The following EXOC4 variants were observed in gnomAD, a reference collection of about 807,000 sequenced individuals.
EXOC4 encodes exocyst complex component 4, also known as SEC8-like 1.
EXOC4 carries 71 observed loss-of-function variants against 107.2 expected under a neutral mutation model. The ratio of observed to expected loss-of-function variants is 0.66; its 90% CI spans 0.55 to 0.81. The LOEUF (loss-of-function observed/expected upper bound fraction) is 0.81, where lower values mean the gene tolerates loss of function less well. Among genes scored for constraint, EXOC4 ranks in the 30% least tolerant of loss-of-function variants. EXOC4 has a pLI of 0.00. For missense variants in EXOC4, 1,108 were observed against 1,189.6 expected (o/e 0.93, Z 1.01); for synonymous variants, 456 against 441.2 (o/e 1.03, Z -0.42).
intron 11 of EXOC4, among the ~76,000 whole-genome samples, chr7:133,856,249 A>G (rs940096838): frequency 9.9e-5 from 15 of 152,234 alleles, no homozygotes; most frequent in Admixed American, 4.6e-4. Flanking sequence ...TGGGAATTCA[A>G]TCAGTAATGT....
At chr7:133,500,218 T>G (rs1034429735) in intron 9 of EXOC4, among the ~76,000 whole-genome samples, 1 of 152,220 alleles carries the variant, frequency 6.6e-6, no homozygotes, top group Non-Finnish European at 1.5e-5. Flanking sequence ...TATATACACC[T>G]GTGAAAATAA....
the EXOC4 span, among the ~76,000 whole-genome samples, chr7:134,072,452 G>A: frequency 2.6e-3 from 392 of 152,308 alleles, 1 homozygote; most frequent in African/African-American, 8.7e-3. Flanking sequence ...GTCTCTCACA[G>A]GAGGGTCTTA....
At chr7:133,257,661 C>T (rs569354751) in intron 1 of EXOC4, among the ~76,000 whole-genome samples, 37 of 152,298 alleles carry the variant, frequency 2.4e-4, no homozygotes, top group Non-Finnish European at 4.9e-4. Flanking sequence ...GTTGTGACTT[C>T]AGGAGACCTT....
intron 14 of EXOC4, among the ~76,000 whole-genome samples, chr7:133,975,476 G>A (rs1165811415): frequency 6.6e-6 from 1 of 152,120 alleles, no homozygotes; most frequent in Admixed American, 6.5e-5. Flanking sequence ...AATCTTTAAA[G>A]AATGTTATCA....
intron 10 of EXOC4, among the ~76,000 whole-genome samples, chr7:133,693,408 GGT>G (rs1233713826): frequency 6.6e-6 from 1 of 152,114 alleles, no homozygotes; most frequent in Non-Finnish European, 1.5e-5. Flanking sequence ...CTGATTAGAT[GGT>G]GCCCACCCTG....
intron 5 of EXOC4, among the ~76,000 whole-genome samples, chr7:133,341,053 G>T (rs887307332): frequency 1.3e-5 from 2 of 151,864 alleles, no homozygotes; most frequent in Non-Finnish European, 2.9e-5. Context: ...CACTGATCTT[G>T]GTTGTTTTCT....
intron 9 of EXOC4, among the ~76,000 whole-genome samples, chr7:133,522,701 A>G (rs575490929): frequency 6.6e-6 from 1 of 152,226 alleles, no homozygotes; most frequent in African/African-American, 2.4e-5. Context: ...AAAAGAGAAA[A>G]TTCTTTGTTG....
chr7:133,818,022 A>C (rs1182554313), intron 11 of EXOC4, among the ~76,000 whole-genome samples: 1 of 152,184 alleles, frequency 6.6e-6, no homozygotes, highest in East Asian at 1.9e-4. Flanking sequence ...TTAAAAGTCA[A>C]ATCACTGAAT....
chr7:133,288,015 A>G (rs1010024837), intron 2 of EXOC4, among the ~76,000 whole-genome samples: 4 of 152,230 alleles, frequency 2.6e-5, no homozygotes, highest in African/African-American at 4.8e-5. Flanking sequence ...AGATGCATTC[A>G]TGGGTAAATT....
chr7:133,269,111 A>G (rs1402383558), intron 1 of EXOC4, among the ~76,000 whole-genome samples: 1 of 152,190 alleles, frequency 6.6e-6, no homozygotes, highest in Non-Finnish European at 1.5e-5. Context: ...TCCTTTGATC[A>G]TGTCTTTTAT....
chr7:133,264,298 A>AT (rs1793664161), intron 1 of EXOC4, among the ~76,000 whole-genome samples: 1 of 152,178 alleles, frequency 6.6e-6, no homozygotes, highest in Non-Finnish European at 1.5e-5. Flanking sequence ...AATTGGCCCT[A>AT]AGTGCTGTCT....
intron 10 of EXOC4, among the ~76,000 whole-genome samples, chr7:133,774,650 C>G (rs1039583001): frequency 2.6e-5 from 4 of 152,008 alleles, no homozygotes; most frequent in Non-Finnish European, 5.9e-5. Context: ...TTTTTCAAGC[C>G]TAACTTCTTA....
chr7:133,331,581 T>C (rs1276142555), intron 5 of EXOC4, among the ~76,000 whole-genome samples: 2 of 149,626 alleles, frequency 1.3e-5, no homozygotes, highest in South Asian at 2.2e-4. Flanking sequence ...TTCTCCTGCC[T>C]CAGCCTCCCC....
At chr7:133,278,710 C>T (rs1166700761) in intron 2 of EXOC4, among the ~76,000 whole-genome samples, 3 of 151,910 alleles carry the variant, frequency 2.0e-5, no homozygotes, top group African/African-American at 7.3e-5. Context: ...AGGGAAGTCA[C>T]GTAGGGTCTT....
intron 10 of EXOC4, among the ~76,000 whole-genome samples, chr7:133,645,438 C>A (rs1802967431): frequency 6.6e-6 from 1 of 151,910 alleles, no homozygotes; most frequent in Non-Finnish European, 1.5e-5. Context: ...GGTCCCTTTC[C>A]TTTTCCTCTG....
chr7:133,289,122 A>G lies in EXOC4; in HGVS notation c.471+6A>G. 6.2e-7 allele frequency: 1 copy of G among 1,613,362 alleles called. No individual in the cohort carries two copies. Among genetic ancestry groups the G allele is most frequent in the Non-Finnish European group, 8.5e-7 (1 of 1,179,476 alleles). On this transcript the variant is annotated splice_donor_region_variant and intron_variant, in intron 3 of 17. Transcript: ENST00000253861. ...TCAGTGCCACTGACATGTTGGTAAGAGAACAGCCTGTGCTAAGGGTCATTT... is the reference window on the plus strand; with the variant it reads ...TCAGTGCCACTGACATGTTGGTAAGGGAACAGCCTGTGCTAAGGGTCATTT...
chr7:133,452,781 C>T (rs1332234120), intron 7 of EXOC4, among the ~76,000 whole-genome samples: 1 of 151,934 alleles, frequency 6.6e-6, no homozygotes, highest in Non-Finnish European at 1.5e-5. Flanking sequence ...ATGTAAACTA[C>T]TCAGCTTTGT....
At chr7:133,645,814 T>C (rs1435233024) in intron 10 of EXOC4, among the ~76,000 whole-genome samples, 1 of 152,338 alleles carries the variant, frequency 6.6e-6, no homozygotes, top group East Asian at 1.9e-4. Context: ...ATTACAAATA[T>C]GCACTTCCAA....
chr7:133,458,868 C>A (rs1474562215), intron 7 of EXOC4, among the ~76,000 whole-genome samples: 2 of 149,738 alleles, frequency 1.3e-5, no homozygotes, highest in African/African-American at 4.9e-5. Context: ...CTCCCACCCC[C>A]ACACCCCCGC....
Sources: gnomAD v4.1 joint callset for allele counts (sites outside exome capture counted in the v4.1 genomes callset) on GRCh38, gnomAD v4.1.1 for gene constraint, MANE v1.5 for transcripts, NCBI Gene and HGNC (gene_info 2026-07-23, HGNC 2026-07-21) for gene names.